Variants in POMT2 observed in about 807,000 individuals in gnomAD.
The protein encoded by POMT2 is protein O-mannosyltransferase 2.
POMT2 carries 75 observed loss-of-function variants against 100.0 expected under a neutral mutation model. That is an observed-to-expected ratio of 0.75 (90% CI 0.62 to 0.91). The LOEUF is 0.91. POMT2 is among the 40% of genes least tolerant of loss of function. The pLI, the probability that POMT2 is intolerant of heterozygous loss-of-function variation, is 0.00. For missense variants in POMT2, 940 were observed against 955.1 expected, an observed-to-expected ratio of 0.98 and a Z score of 0.21; for synonymous variants, 378 against 374.1, an observed-to-expected ratio of 1.01 and a Z score of -0.12.
At chr14:77,280,314 C>T (rs1159505151) in intron 16 of POMT2, 78 bp downstream of exon 16, 18 of 1,601,688 alleles carry the variant, frequency 1.1e-5, no homozygotes, top group Non-Finnish European at 1.4e-5. Flanking sequence ...CCTAGTACAC[C>T]CACCCCCGCC....
chr14:77,311,112 G>A (rs1453215055), intron 2 of POMT2, among the ~76,000 whole-genome samples: 3 of 152,168 alleles, frequency 2.0e-5, no homozygotes, highest in African/African-American at 4.8e-5. Context: ...CAGCCTGGGT[G>A]GCAAGAGTGA....
intron 5 of POMT2, 78 bp from the exon 6 acceptor site, chr14:77,301,327 TTC>T (rs1444997714): frequency 1.3e-6 from 2 of 1,567,848 alleles, no homozygotes. Flanking sequence ...GACAGGGCAG[TTC>T]TCAGACTTGG....
chr14:77,311,111 T>C (rs4903569), intron 2 of POMT2, among the ~76,000 whole-genome samples: 85,688 of 152,116 alleles, frequency 0.56, 24,465 homozygotes, highest in African/African-American at 0.63. Flanking sequence ...CCAGCCTGGG[T>C]GGCAAGAGTG....
At chr14:77,278,565 C>G in intron 19 of POMT2, 57 bp from the exon 20 acceptor site, 13 of 1,449,346 alleles carry the variant, frequency 9.0e-6, no homozygotes, top group Non-Finnish European at 1.2e-5. Flanking sequence ...TTCTGGGCTA[C>G]AGAAGAAGGA....
In POMT2 at chr14:77,279,919, A is replaced by G. The variant is rs544040071; in HGVS notation, c.1795T>C (p.Trp599Arg). The change falls in exon 18 of 21, where the codon TGG becomes CGG. Residue 599 changes from tryptophan (W) to arginine (R), a missense_variant. Physicochemically the swap from Trp to Arg is moderately radical, Grantham distance 101. Transcript: ENST00000261534. Reference protein sequence around the residue: ...VYLLGNPVVWWLNLLSIALYL... With the variant: ...VYLLGNPVVWRLNLLSIALYL... ...AGGGCGATGCTCAACAGATTCAGCC[A>G]CCAAACCACCTGTGCAGAAATGGGA... 6.2e-7 allele frequency: 1 copy of G among 1,614,128 alleles called. No individual in the cohort carries two copies. Among genetic ancestry groups the G allele is most frequent in the Admixed American group, 1.7e-5 (1 of 60,022 alleles).
chr14:77,301,758 C>A (rs988157285), intron 5 of POMT2, among the ~76,000 whole-genome samples: 3 of 152,184 alleles, frequency 2.0e-5, no homozygotes, highest in African/African-American at 7.2e-5. Context: ...TCTTTTTGCA[C>A]AGGAGGAAAT....
chr14:77,313,691 T>C (rs1025567739), intron 1 of POMT2, among the ~76,000 whole-genome samples: 12 of 152,110 alleles, frequency 7.9e-5, no homozygotes, highest in Non-Finnish European at 1.8e-4. Context: ...TTTTTTTGTT[T>C]TGTTTTGTTT....
chr14:77,276,389 CATT>C lies in POMT2; in HGVS notation c.*984_*986del. 1 of 152,884 alleles carries C rather than the reference CATT, an allele frequency of 6.5e-6. No homozygotes were observed. Among genetic ancestry groups the C allele is most frequent in the South Asian group, 2.1e-4 (1 of 4,834 alleles). The allele number at this position is 152,884 out of a possible 1,614,324, so 9.5% of individuals were successfully genotyped here. On this transcript the variant is annotated 3_prime_UTR_variant, in exon 21 of 21. Transcript: ENST00000261534. ...GGGAAAGCTCAGCAGGTGACAGGAACATTAGTCTGGAGAGGCCAGAGTCCCCAC... is the reference window on the plus strand; with the variant it reads ...GGGAAAGCTCAGCAGGTGACAGGAACAGTCTGGAGAGGCCAGAGTCCCCAC...
intron 11 of POMT2, chr14:77,287,044 G>A (rs1048146660): frequency 5.9e-6 from 5 of 853,676 alleles, no homozygotes; most frequent in Non-Finnish European, 8.5e-6. Context: ...GATGGTAGGA[G>A]CACTGGACGG....
At chr14:77,313,373 A>G (rs1021842766) in intron 1 of POMT2, among the ~76,000 whole-genome samples, 1 of 152,264 alleles carries the variant, frequency 6.6e-6, no homozygotes, top group African/African-American at 2.4e-5. Flanking sequence ...AAATAACTTC[A>G]AAGCAGGGTA....
intron 10 of POMT2, among the ~76,000 whole-genome samples, chr14:77,291,084 G>A (rs1051672638): frequency 6.6e-6 from 1 of 152,146 alleles, no homozygotes; most frequent in African/African-American, 2.4e-5. Context: ...AGCTCTAAGA[G>A]CAAGTTCTTA....
chr14:77,292,305 G>T (rs1890670087), intron 9 of POMT2, among the ~76,000 whole-genome samples: 1 of 152,198 alleles, frequency 6.6e-6, no homozygotes, highest in Admixed American at 6.5e-5. Flanking sequence ...AAAGGCTCAT[G>T]AAATGCTGAT....
intron 1 of POMT2, among the ~76,000 whole-genome samples, chr14:77,316,816 T>C (rs752508169): frequency 1.9e-4 from 29 of 152,204 alleles, no homozygotes; most frequent in Non-Finnish European, 3.2e-4. Flanking sequence ...TTAGCCCCAA[T>C]GATAACTCTG....
At chr14:77,279,216 C>T (rs959781389) in intron 18 of POMT2, 7 of 405,944 alleles carry the variant, frequency 1.7e-5, no homozygotes, top group Non-Finnish European at 2.3e-5. Context: ...GGCAGACAGG[C>T]GCTAAGGTGA....
chr14:77,285,411 G>A (rs1175984447), intron 13 of POMT2, 70 bp downstream of exon 13: 1 of 1,588,972 alleles, frequency 6.3e-7, no homozygotes, highest in Non-Finnish European at 8.6e-7. Flanking sequence ...AAAAGCTTCT[G>A]GCATACTCCT....
intron 14 of POMT2, chr14:77,284,231 G>A: frequency 2.8e-6 from 1 of 351,076 alleles, no homozygotes; most frequent in South Asian, 2.4e-5. Flanking sequence ...GAAGGGCCTG[G>A]GAATGAGGAA....
In POMT2 at chr14:77,278,326, G is replaced by A. The variant is rs79873606; in HGVS notation, c.2147+68C>T. ...GTTAAAAGCACCGCAGGGGATTCTC[G>A]AATGCATCAGGGCTGAGGCACTGCT... On this transcript the variant is annotated intron_variant, in intron 20 of 20. Transcript: ENST00000261534. 3.0e-3 allele frequency: 3,785 copies of A among 1,257,544 alleles called. 141 individuals carry two copies. The East Asian group carries it at 0.084, about 28-fold the overall frequency. 77.9% of individuals were successfully genotyped at this position (1,257,544 alleles called of 1,614,324 possible).
intron 15 of POMT2, 50 bp from the exon 16 acceptor site, chr14:77,280,513 T>C (rs375759544): frequency 3.6e-5 from 58 of 1,613,246 alleles, no homozygotes; most frequent in Non-Finnish European, 8.5e-6. Flanking sequence ...TCTAGAGGGC[T>C]GACAGAAATG....
rs1230619048 is a variant in POMT2 at position 77,284,292 on chromosome 14, C to CT, written c.1577-420dup. The CT allele has an allele frequency of 2.4e-5, 7 of 293,762 alleles. No individual in the cohort carries two copies. In the East Asian group the frequency reaches 5.8e-4, roughly 24 times the overall value. 18.2% of individuals were successfully genotyped at this position (293,762 alleles called of 1,614,324 possible). A position where few individuals can be genotyped will look rare whatever the true frequency, so the allele number is the denominator to read the frequency against. ...GCTGCTGTCGGGATGGGGACCAAGTCTGTCTCCTCGCCAATATGTCCACAG... is the reference window on the plus strand; with the variant it reads ...GCTGCTGTCGGGATGGGGACCAAGTCTTGTCTCCTCGCCAATATGTCCACAG... On this transcript the variant is annotated intron_variant, in intron 14 of 20. Coordinates refer to ENST00000261534, the MANE Select transcript of POMT2 (RefSeq NM_013382.7).
Sources: gnomAD v4.1 joint callset for allele counts (sites outside exome capture counted in the v4.1 genomes callset) on GRCh38, gnomAD v4.1.1 for gene constraint, MANE v1.5 for transcripts, NCBI Gene and HGNC (gene_info 2026-07-23, HGNC 2026-07-21) for gene names.